Variants in CA8 observed in about 807,000 individuals in gnomAD.
CA8 encodes the protein carbonic anhydrase-related protein.
A neutral mutation model predicts 41.4 loss-of-function variants in CA8; 22 were observed. The ratio of observed to expected loss-of-function variants is 0.53; its 90% CI spans 0.38 to 0.76. The LOEUF (loss-of-function observed/expected upper bound fraction) is 0.76, where lower values mean the gene tolerates loss of function less well. CA8 is among the 30% of genes least tolerant of loss of function. The pLI, the probability that CA8 is intolerant of heterozygous loss-of-function variation, is 0.00. For synonymous variants in CA8, 121 were observed against 130.6 expected (o/e 0.93, Z 0.50); for missense variants, 270 against 352.8 (o/e 0.77, Z 1.88).
intron 8 of CA8, among the ~76,000 whole-genome samples, chr8:60,205,878 T>A (rs1171594622): frequency 6.6e-6 from 1 of 152,230 alleles, no homozygotes. Flanking sequence ...GAAATGTCTT[T>A]TCCTTTTTAG....
intron 4 of CA8, among the ~76,000 whole-genome samples, chr8:60,228,276 AC>A (rs1807510464): frequency 6.6e-6 from 1 of 152,232 alleles, no homozygotes; most frequent in Admixed American, 6.5e-5. Context: ...AAAGTTAAAA[AC>A]AAAAAAACAT....
At chr8:60,214,227 G>C (rs146029214) in intron 7 of CA8, among the ~76,000 whole-genome samples, 8 of 152,344 alleles carry the variant, frequency 5.3e-5, no homozygotes, top group Non-Finnish European at 1.0e-4. Context: ...CATTTGGTGA[G>C]GGCATTATTC....
At chr8:60,216,629 G>A (rs1237719837) in intron 7 of CA8, among the ~76,000 whole-genome samples, 1 of 152,196 alleles carries the variant, frequency 6.6e-6, no homozygotes, top group Non-Finnish European at 1.5e-5. Context: ...AAAATACAAA[G>A]TTAGGTTCCC....
At chr8:60,190,337 TA>T (rs1270641150) in intron 8 of CA8, among the ~76,000 whole-genome samples, 1 of 150,044 alleles carries the variant, frequency 6.7e-6, no homozygotes, top group Non-Finnish European at 1.5e-5. Flanking sequence ...TCACATATAA[TA>T]ATCACAGATG....
At chr8:60,216,831 G>C (rs1027839308) in intron 7 of CA8, among the ~76,000 whole-genome samples, 44 of 152,158 alleles carry the variant, frequency 2.9e-4, no homozygotes, top group Admixed American at 5.9e-4. Flanking sequence ...GGGAATGTTG[G>C]GCACTCAACA....
intron 7 of CA8, 132 bp from the exon 8 acceptor site, chr8:60,209,051 C>A: frequency 1.1e-5 from 11 of 1,040,676 alleles, no homozygotes; most frequent in Admixed American, 7.6e-5. Flanking sequence ...AATTAAGCTT[C>A]AAAAAGAAAA....
intron 8 of CA8, among the ~76,000 whole-genome samples, chr8:60,195,705 G>A (rs536187270): frequency 7.9e-4 from 120 of 152,242 alleles, no homozygotes; most frequent in Non-Finnish European, 1.5e-3. Flanking sequence ...GCTATGTCAG[G>A]GGAGAGCTGA....
At chr8:60,270,974 C>G (rs1192631010) in intron 2 of CA8, among the ~76,000 whole-genome samples, 4 of 152,112 alleles carry the variant, frequency 2.6e-5, no homozygotes, top group African/African-American at 9.7e-5. Context: ...CAAAGTGAAG[C>G]ACATGCAAAA....
chr8:60,214,097 G>A (rs1343830735), intron 7 of CA8, among the ~76,000 whole-genome samples: 1 of 152,138 alleles, frequency 6.6e-6, no homozygotes, highest in Non-Finnish European at 1.5e-5. Flanking sequence ...GAAAACCATG[G>A]CTGTCTTCGT....
intron 6 of CA8, 43 bp from the exon 7 acceptor site, chr8:60,222,804 T>A: frequency 8.4e-7 from 1 of 1,196,242 alleles, no homozygotes; most frequent in Non-Finnish European, 1.3e-6. Flanking sequence ...GCAAGTGAAT[T>A]AATAACAATC....
chr8:60,211,327 G>C (rs1806828922), intron 7 of CA8, among the ~76,000 whole-genome samples: 1 of 152,176 alleles, frequency 6.6e-6, no homozygotes, highest in Non-Finnish European at 1.5e-5. Flanking sequence ...TGTATATGCA[G>C]AAAGTATTTA....
At chr8:60,233,292 C>T (rs1361034817) in intron 3 of CA8, among the ~76,000 whole-genome samples, 1 of 152,186 alleles carries the variant, frequency 6.6e-6, no homozygotes, top group African/African-American at 2.4e-5. Flanking sequence ...AATTCAACCA[C>T]TATTTATTTT....
At position 60,208,813 on chromosome 8, in the gene CA8, T is replaced by C; in HGVS notation, c.845A>G (p.Asp282Gly). 6.2e-7 allele frequency: 1 copy of C among 1,614,142 alleles called. No individual in the cohort carries two copies. Among genetic ancestry groups the C allele is most frequent in the Non-Finnish European group, 8.5e-7 (1 of 1,180,012 alleles). ...DNFRPTQPLS[D>G]RVIRAAFQ The stretch of plus-strand genomic sequence containing the variant: ...CTGAAATGCAGCTCTAATGACTCTG[T>C]CACTAAGAGGCTGAGTGGGCCGAAA... Residue 282 changes from aspartate to glycine, a missense_variant, in exon 8 of 9, where the codon GAC (aspartate) becomes GGC (glycine). Asp to Gly is a moderately conservative substitution (Grantham distance 94). Coordinates refer to ENST00000317995, the MANE Select transcript of CA8 (RefSeq NM_004056.6).
intron 3 of CA8, among the ~76,000 whole-genome samples, chr8:60,248,389 T>C (rs1808325322): frequency 6.6e-6 from 1 of 152,228 alleles, no homozygotes; most frequent in Admixed American, 6.5e-5. Context: ...CTTTCAGTTT[T>C]ACATTTAAGT....
At chr8:60,245,793 A>T (rs1235754423) in intron 3 of CA8, among the ~76,000 whole-genome samples, 2 of 152,230 alleles carry the variant, frequency 1.3e-5, no homozygotes, top group Non-Finnish European at 2.9e-5. Flanking sequence ...GAAAGGCATC[A>T]ATGGGTGTGA....
At chr8:60,261,480 G>A (rs1803732007) in intron 3 of CA8, among the ~76,000 whole-genome samples, 1 of 152,148 alleles carries the variant, frequency 6.6e-6, no homozygotes, top group South Asian at 2.1e-4. Flanking sequence ...CCCCATACAT[G>A]ATCTCCTGCT....
intron 2 of CA8, among the ~76,000 whole-genome samples, chr8:60,278,373 A>T (rs1804306902): frequency 6.6e-6 from 1 of 152,232 alleles, no homozygotes; most frequent in Non-Finnish European, 1.5e-5. Context: ...AATATTGATC[A>T]TGGCACCTGA....
intron 7 of CA8, among the ~76,000 whole-genome samples, chr8:60,221,095 C>A (rs1807228803): frequency 6.6e-6 from 1 of 152,226 alleles, no homozygotes; most frequent in Non-Finnish European, 1.5e-5. Flanking sequence ...CAGCAGCCAA[C>A]ATCTTCGCTG....
intron 8 of CA8, among the ~76,000 whole-genome samples, chr8:60,198,559 C>G (rs1166131718): frequency 6.6e-6 from 1 of 152,164 alleles, no homozygotes; most frequent in Admixed American, 6.6e-5. Context: ...TACAGTGAGT[C>G]ACATTTTTCT....
Sources: allele counts gnomAD v4.1 joint callset (sites outside exome capture counted in the v4.1 genomes callset), GRCh38; gene constraint gnomAD v4.1.1; transcripts MANE v1.5; gene names NCBI Gene and HGNC (gene_info 2026-07-23, HGNC 2026-07-21).